TMEM132D: variants seen among roughly 807,000 people sequenced by gnomAD.
TMEM132D encodes the protein transmembrane protein 132D, also known as mature OL transmembrane protein.
A neutral mutation model predicts 62.3 loss-of-function variants in TMEM132D; 21 were observed. That is an observed-to-expected ratio of 0.34 (90% CI 0.24 to 0.49). The LOEUF (loss-of-function observed/expected upper bound fraction) is 0.49. TMEM132D is among the 20% of genes least tolerant of loss of function. The probability of loss-of-function intolerance (pLI) is 0.99; values close to 1 mark genes in which losing one functional copy is unlikely to be tolerated. For missense variants in TMEM132D, 1,346 were observed against 1,402.8 expected, an observed-to-expected ratio of 0.96 and a Z score of 0.65; for synonymous variants, 621 against 575.6, an observed-to-expected ratio of 1.08 and a Z score of -1.13.
chr12:129,113,863 CA>C (rs1234774145), intron 5 of TMEM132D, among the ~76,000 whole-genome samples: 1 of 151,866 alleles, frequency 6.6e-6, no homozygotes, highest in African/African-American at 2.4e-5. Context: ...GACAGAAGAC[CA>C]GGGGCCCACT....
intron 2 of TMEM132D, among the ~76,000 whole-genome samples, chr12:129,549,689 T>G (rs1209119841): frequency 6.6e-6 from 1 of 152,188 alleles, no homozygotes; most frequent in African/African-American, 2.4e-5. Context: ...ACTTCCCTAC[T>G]CCCTTTGACT....
At chr12:129,818,607 A>ATG (rs772265164) in intron 1 of TMEM132D, among the ~76,000 whole-genome samples, 2 of 146,998 alleles carry the variant, frequency 1.4e-5, no homozygotes, top group Non-Finnish European at 3.0e-5. Context: ...GTGTGTGTAT[A>ATG]TGTGTGTGTG....
intron 2 of TMEM132D, among the ~76,000 whole-genome samples, chr12:129,545,054 A>G (rs889058135): frequency 1.3e-5 from 2 of 152,228 alleles, no homozygotes; most frequent in Admixed American, 1.3e-4. Flanking sequence ...GCCTCCGACA[A>G]TGATCAGCTT....
At chr12:129,476,774 C>T (rs1874272031) in intron 3 of TMEM132D, among the ~76,000 whole-genome samples, 1 of 152,294 alleles carries the variant, frequency 6.6e-6, no homozygotes, top group Non-Finnish European at 1.5e-5. Flanking sequence ...AATCTCCTGG[C>T]AGATAAAACC....
chr12:129,599,930 C>CT (rs1422349925), intron 2 of TMEM132D, among the ~76,000 whole-genome samples: 1 of 152,192 alleles, frequency 6.6e-6, no homozygotes, highest in African/African-American at 2.4e-5. Flanking sequence ...TGGCTGCTGA[C>CT]TAATCAGGTT....
chr12:129,757,898 G>GTTTTA (rs778741700), intron 1 of TMEM132D, among the ~76,000 whole-genome samples: 1 of 151,828 alleles, frequency 6.6e-6, no homozygotes, highest in South Asian at 2.1e-4. Flanking sequence ...CTTTATTTTT[G>GTTTTA]TTTTATTTTA....
chr12:129,289,130 A>T (rs911807976), intron 4 of TMEM132D, among the ~76,000 whole-genome samples: 2 of 152,200 alleles, frequency 1.3e-5, no homozygotes, highest in African/African-American at 4.8e-5. Context: ...ATGTTGCTCA[A>T]TAGGCATAAA....
chr12:129,793,813 G>A (rs1339588782), intron 1 of TMEM132D, among the ~76,000 whole-genome samples: 3 of 152,102 alleles, frequency 2.0e-5, no homozygotes, highest in African/African-American at 4.8e-5. Flanking sequence ...TCACAAAAAC[G>A]GCACCTAGTT....
chr12:129,754,921 C>T (rs4601826), intron 1 of TMEM132D, among the ~76,000 whole-genome samples: 82,299 of 151,926 alleles, frequency 0.54, 22,691 homozygotes, highest in Middle Eastern at 0.64. Flanking sequence ...GAAAAGGCCA[C>T]CACGTTTGTC....
intron 5 of TMEM132D, among the ~76,000 whole-genome samples, chr12:129,194,450 T>G (rs1311512940): frequency 1.3e-5 from 2 of 151,852 alleles, no homozygotes; most frequent in African/African-American, 2.4e-5. Flanking sequence ...GACCTGGGGG[T>G]CTACGTGAGG....
chr12:129,885,800 T>C (rs1360067235), intron 1 of TMEM132D, among the ~76,000 whole-genome samples: 1 of 152,212 alleles, frequency 6.6e-6, no homozygotes, highest in Non-Finnish European at 1.5e-5. Context: ...CATTGGAATA[T>C]AAATAACAGA....
intron 1 of TMEM132D, among the ~76,000 whole-genome samples, chr12:129,862,135 T>G (rs1018655567): frequency 6.6e-6 from 1 of 152,186 alleles, no homozygotes; most frequent in Non-Finnish European, 1.5e-5. Flanking sequence ...TTTACATGTG[T>G]GATACTCTTT....
rs373549638 is a variant in TMEM132D, at chr12:129,093,298, C to T, written c.1444-8596G>A. ...ATCTAGAAAACCCCATCGTCTCAGC[C>T]CAAAATCTCCTTAAGCTGATAAGCA... On this transcript the variant is annotated intron_variant, in intron 5 of 8. Coordinates refer to ENST00000422113, the MANE Select transcript of TMEM132D (RefSeq NM_133448.3). Among the ~76,000 whole-genome samples the T allele has an allele frequency of 3.3e-5, 5 of 152,128 alleles. No individual in the cohort carries two copies. The East Asian group carries it at 7.7e-4, about 23-fold the overall frequency.
chr12:129,859,941 A>G (rs1873838937), intron 1 of TMEM132D, among the ~76,000 whole-genome samples: 1 of 152,144 alleles, frequency 6.6e-6, no homozygotes, highest in Admixed American at 6.5e-5. Context: ...TTGCGAGTCA[A>G]TTCTCCCTAA....
In TMEM132D at chr12:129,825,027, T is replaced by C. The variant is rs200072363; in HGVS notation, c.79+78234A>G. Among the ~76,000 whole-genome samples the C allele has an allele frequency of 3.6e-3, 528 of 146,738 alleles. 5 individuals carry two copies. The highest frequency in any genetic ancestry group is 0.012 in the African/African-American group (488 of 40,356). ...ATGGGCAGTCTTTTTTTTTTTTTTT[T>C]CCCTGAGATGGAGTCTCACTCTGTC... is the stretch of plus-strand genomic sequence containing the variant. On this transcript the variant is annotated intron_variant, in intron 1 of 8. Transcript: ENST00000422113.
intron 2 of TMEM132D, among the ~76,000 whole-genome samples, chr12:129,593,845 A>T (rs1809489): frequency 0.73 from 110,749 of 150,940 alleles, 40,888 homozygotes; most frequent in East Asian, 0.84. Flanking sequence ...TATTTTTTTT[A>T]AAATGTCAAA....
intron 1 of TMEM132D, among the ~76,000 whole-genome samples, chr12:129,771,356 A>C (rs780300951): frequency 1.3e-5 from 2 of 152,166 alleles, no homozygotes; most frequent in Non-Finnish European, 2.9e-5. Flanking sequence ...TCCCTGCCTC[A>C]ATGGGCTTCT....
chr12:129,649,766 G>A (rs1189957254), intron 2 of TMEM132D, among the ~76,000 whole-genome samples: 1 of 151,832 alleles, frequency 6.6e-6, no homozygotes, highest in African/African-American at 2.4e-5. Flanking sequence ...ACATATGTAT[G>A]TGTATATGTG....
intron 2 of TMEM132D, among the ~76,000 whole-genome samples, chr12:129,598,194 A>C (rs1366996941): frequency 6.6e-6 from 1 of 152,220 alleles, no homozygotes; most frequent in Non-Finnish European, 1.5e-5. Flanking sequence ...TTCACACATT[A>C]CATCTTCCAT....
Sources: gnomAD v4.1 joint callset for allele counts (sites outside exome capture counted in the v4.1 genomes callset) on GRCh38, gnomAD v4.1.1 for gene constraint, MANE v1.5 for transcripts, NCBI Gene and HGNC (gene_info 2026-07-23, HGNC 2026-07-21) for gene names.